Variants in PUM1 observed in about 807,000 individuals in gnomAD.
PUM1 encodes the protein pumilio homolog 1.
A neutral mutation model predicts 131.8 loss-of-function variants in PUM1; 13 were observed. The ratio of observed to expected loss-of-function variants is 0.10; its 90% CI spans 0.06 to 0.16. PUM1 has a LOEUF of 0.16. PUM1 is among the 10% of genes least tolerant of loss of function. The pLI, the probability that PUM1 is intolerant of heterozygous loss-of-function variation, is 1.00. For missense variants in PUM1, 961 were observed against 1,512.4 expected, an observed-to-expected ratio of 0.64 and a Z score of 6.05; for synonymous variants, 509 against 556.5, an observed-to-expected ratio of 0.91 and a Z score of 1.20.
intron 1 of PUM1, chr1:31,061,919 T>G (rs1220781557): frequency 6.6e-6 from 1 of 152,150 alleles, no homozygotes; most frequent in South Asian, 2.1e-4. Flanking sequence ...ACAGAGTGAG[T>G]TCCTGTCTCA....
rs373365605 is a variant in PUM1 at position 30,955,069 on chromosome 1, C to CA, written c.2324-1089dup. 1.3e-3 allele frequency among the ~76,000 whole-genome samples: 185 copies of CA among 145,480 alleles called. 2 individuals are homozygous for CA. The highest frequency in any genetic ancestry group is 7.0e-3 in the Middle Eastern group (2 of 286). ...AGGCAACAGAGCAAGACCTTGTCTC[C>CA]AAAAAAAACAAACAAACAAACAAAA... On this transcript the variant is annotated intron_variant, in intron 14 of 21. Transcript: ENST00000426105.
In PUM1 at chr1:30,950,207, G is replaced by T. The variant is rs1303715008; in HGVS notation, c.2776C>A (p.Leu926Met). 1 of 1,614,084 alleles carries T rather than the reference G, an allele frequency of 6.2e-7. No homozygotes were observed. ...CCATACATCTGTAGTGCCAATGACAGGACGTGGCCTCGAATCCGTTCTGCC... is the reference window on the plus strand; with the variant it reads ...CCATACATCTGTAGTGCCAATGACATGACGTGGCCTCGAATCCGTTCTGCC... ...ALAERIRGHV[L>M]SLALQMYGCR... The change falls in exon 17 of 22, where the codon CTG becomes ATG. Residue 926 changes from leucine to methionine, a missense_variant. Transcript: ENST00000426105.
At chr1:31,043,818 G>A (rs1643894545) in intron 2 of PUM1, among the ~76,000 whole-genome samples, 1 of 152,068 alleles carries the variant, frequency 6.6e-6, no homozygotes, top group Admixed American at 6.6e-5. Flanking sequence ...TGTGTGGCTT[G>A]GAAAAATTCC....
At chr1:31,052,277 G>A (rs1644130276) in intron 2 of PUM1, among the ~76,000 whole-genome samples, 1 of 152,166 alleles carries the variant, frequency 6.6e-6, no homozygotes, top group Non-Finnish European at 1.5e-5. Flanking sequence ...CTCCCAAAGT[G>A]CTGGGATTAC....
chr1:31,008,202 T>C (rs912054634), intron 3 of PUM1, among the ~76,000 whole-genome samples: 1 of 152,174 alleles, frequency 6.6e-6, no homozygotes, highest in Non-Finnish European at 1.5e-5. Context: ...GGAAAAATAA[T>C]TAAACTCTGC....
intron 21 of PUM1, among the ~76,000 whole-genome samples, chr1:30,935,112 G>T (rs953938954): frequency 3.3e-5 from 5 of 152,140 alleles, no homozygotes; most frequent in Admixed American, 3.3e-4. Flanking sequence ...CTCCCATGTG[G>T]TCTCATCACT....
At chr1:30,986,895 T>C (rs1355653587) in intron 7 of PUM1, among the ~76,000 whole-genome samples, 1 of 152,178 alleles carries the variant, frequency 6.6e-6, no homozygotes, top group Non-Finnish European at 1.5e-5. Flanking sequence ...GAGAATGACA[T>C]TTAATCACAC....
In PUM1 at chr1:30,936,677, G is replaced by A. The variant is rs1639223477; in HGVS notation, c.3401C>T (p.Ala1134Val). 6 of 1,613,960 alleles carry A rather than the reference G, an allele frequency of 3.7e-6. No homozygotes were observed. The highest frequency in any genetic ancestry group is 5.1e-6 in the Non-Finnish European group (6 of 1,179,966). ...NYVVQKMIDV[A>V]EPGQRKIVMH... ...GACGATCTTCCGCTGGCCTGGCTCC[G>A]CCACGTCAATCATCTTCTGGACCAC... is the stretch of plus-strand genomic sequence containing the variant. The change falls in exon 21 of 22, where the codon GCG becomes GTG. Residue 1134 changes from alanine (A) to valine (V), a missense_variant. Physicochemically the swap from Ala to Val is moderately conservative, Grantham distance 64 (BLOSUM62 0). This residue lies in a region of PUM1 where 178 missense variants were observed against 327.5 expected (regional missense o/e 0.54). Coordinates refer to ENST00000426105, the MANE Select transcript of PUM1 (RefSeq NM_001020658.2).
rs1415363450 is a variant in PUM1 at position 31,033,422 on chromosome 1, G to A, written c.364-4558C>T. ...TTTTTTTGAGACGGAGTCTCGCTCTGTCGCCCAGGCCGGACTGCGGACTGC... is the reference window on the plus strand; with the variant it reads ...TTTTTTTGAGACGGAGTCTCGCTCTATCGCCCAGGCCGGACTGCGGACTGC... On this transcript the variant is annotated intron_variant, in intron 2 of 21. Coordinates refer to ENST00000426105, the MANE Select transcript of PUM1 (RefSeq NM_001020658.2). Among the ~76,000 whole-genome samples the A allele has an allele frequency of 1.6e-5, 2 of 127,832 alleles. 1 individual carries two copies. Among genetic ancestry groups the A allele is most frequent in the African/African-American group, 6.0e-5 (2 of 33,162 alleles). 83.9% of individuals were successfully genotyped at this position (127,832 alleles called of 152,430 possible). A position where few individuals can be genotyped will look rare whatever the true frequency, so the allele number is the denominator to read the frequency against.
chr1:30,981,453 A>C, intron 7 of PUM1, 48 bp from the exon 8 acceptor site: 1 of 1,237,406 alleles, frequency 8.1e-7, no homozygotes, highest in Non-Finnish European at 1.1e-6. Flanking sequence ...CTGTCTTACA[A>C]AATCATTTAA....
At chr1:30,961,539 G>A (rs918270859) in intron 14 of PUM1, among the ~76,000 whole-genome samples, 30 of 151,640 alleles carry the variant, frequency 2.0e-4, no homozygotes, top group African/African-American at 7.3e-4. Flanking sequence ...ATAAAAACGG[G>A]GGGGAATAGA....
intron 1 of PUM1, among the ~76,000 whole-genome samples, chr1:31,060,100 G>A (rs1053928912): frequency 6.0e-5 from 9 of 150,262 alleles, no homozygotes; most frequent in Non-Finnish European, 8.9e-5. Flanking sequence ...TACCCACCTC[G>A]GCCTCCGGAA....
rs754993770 is a variant in PUM1, at chr1:30,941,144, C to A, written c.3242+7G>T. The A allele has an allele frequency of 3.1e-6, 5 of 1,612,450 alleles. No individual in the cohort carries two copies. In the South Asian group the frequency reaches 5.5e-5, roughly 18 times the overall value. ...GGGAAATAGTCCTTGTAACTCAAAG[C>A]ACGTACCTTGCAAATTTGTGCTGAC... On this transcript the variant is annotated splice_region_variant and intron_variant, in intron 20 of 21. Coordinates refer to ENST00000426105, the MANE Select transcript of PUM1 (RefSeq NM_001020658.2).
At chr1:31,041,917 T>C (rs1458517285) in intron 2 of PUM1, among the ~76,000 whole-genome samples, 1 of 152,126 alleles carries the variant, frequency 6.6e-6, no homozygotes, top group Non-Finnish European at 1.5e-5. Flanking sequence ...ACTGAGTGGC[T>C]CAAATCATGT....
At position 31,038,958 on chromosome 1, in the gene PUM1, T is replaced by TTATATATATATATA. The variant is rs200492434; in HGVS notation, c.364-10108_364-10095dup. Among the ~76,000 whole-genome samples the TTATATATATATATA allele has an allele frequency of 4.8e-4, 21 of 43,954 alleles. 2 individuals are homozygous for TTATATATATATATA. The highest frequency in any genetic ancestry group is 2.6e-3 in the African/African-American group (15 of 5,784). The allele number at this position is 43,954 out of a possible 152,430, so 28.8% of individuals were successfully genotyped here. On this transcript the variant is annotated intron_variant, in intron 2 of 21. Coordinates refer to ENST00000426105, the MANE Select transcript of PUM1 (RefSeq NM_001020658.2). Reference sequence around the variant, plus strand: ...TAGCCATTTAAAATGTTTTAAAATTTTATATATATATATATATATATATAT... The same window carrying TTATATATATATATA: ...TAGCCATTTAAAATGTTTTAAAATTTTATATATATATATATATATATATATATATATATATATAT...
At chr1:31,013,230 C>G (rs555816391) in intron 3 of PUM1, among the ~76,000 whole-genome samples, 40 of 152,298 alleles carry the variant, frequency 2.6e-4, no homozygotes, top group African/African-American at 8.7e-4. Flanking sequence ...TTTTCAGGAA[C>G]TGCAGAGGCA....
At chr1:31,006,723 G>C (rs957383301) in intron 4 of PUM1, among the ~76,000 whole-genome samples, 2 of 152,308 alleles carry the variant, frequency 1.3e-5, no homozygotes, top group East Asian at 3.9e-4. Flanking sequence ...CAGCAGTACA[G>C]AACAAAACGT....
chr1:31,038,984 A>ATATATATATATATT, intron 2 of PUM1, among the ~76,000 whole-genome samples: 77 of 49,396 alleles, frequency 1.6e-3, no homozygotes, highest in Non-Finnish European at 1.7e-3. Flanking sequence ...ATATATATAT[A>ATATATATATATATT]TTTTTTTTTT....
At chr1:31,018,920 G>C (rs1642921010) in intron 3 of PUM1, among the ~76,000 whole-genome samples, 1 of 152,192 alleles carries the variant, frequency 6.6e-6, no homozygotes, top group African/African-American at 2.4e-5. Context: ...CCAAATGTGT[G>C]CATATAGTAT....
Sources: gnomAD v4.1 joint callset for allele counts (sites outside exome capture counted in the v4.1 genomes callset) on GRCh38, gnomAD v4.1.1 for gene constraint, gnomAD v4.1.1 regional missense constraint, MANE v1.5 for transcripts, NCBI Gene and HGNC (gene_info 2026-07-23, HGNC 2026-07-21) for gene names.